The following PLCG2 variants were observed in gnomAD, a reference collection of about 807,000 sequenced individuals.
The protein encoded by PLCG2 is phospholipase C gamma 2, also known as 1-phosphatidylinositol 4,5-bisphosphate phosphodiesterase gamma-2.
A neutral mutation model predicts 175.6 loss-of-function variants in PLCG2; 69 were observed. That is an observed-to-expected ratio of 0.39 (90% confidence interval 0.32 to 0.48). The LOEUF (loss-of-function observed/expected upper bound fraction) is 0.48, where lower values mean the gene tolerates loss of function less well. Ranked by LOEUF, PLCG2 falls within the 20% of genes least tolerant of loss-of-function variation. PLCG2 has a pLI of 0.91. For missense variants in PLCG2, 1,798 were observed against 1,650.9 expected (o/e 1.09, Z -1.54); for synonymous variants, 827 against 624.0 (o/e 1.33, Z -4.85).
At chr16:81,831,684 T>C (rs1905264696) in intron 2 of PLCG2, among the ~76,000 whole-genome samples, 1 of 152,164 alleles carries the variant, frequency 6.6e-6, no homozygotes, top group East Asian at 1.9e-4. Context: ...CAGATCCTTG[T>C]GTTAGGGGGA....
At chr16:81,849,998 G>A (rs1384649976) in intron 2 of PLCG2, among the ~76,000 whole-genome samples, 2 of 152,208 alleles carry the variant, frequency 1.3e-5, no homozygotes, top group African/African-American at 2.4e-5. Flanking sequence ...CAGCCATGTT[G>A]ATTTCCTCTA....
Position 81,854,491 on chromosome 16 carries a change from G to A in PLCG2, c.241G>A (p.Asp81Asn), listed in dbSNP as rs2143474943. Residue 81 changes from aspartate (D) to asparagine (N), a missense_variant, in exon 3 of 33, where the codon GAT (aspartate) becomes AAT (asparagine). Coordinates refer to ENST00000564138, the MANE Select transcript of PLCG2 (RefSeq NM_002661.5). ...AATCCGCCCAGGGAAGAACTCCAAA[G>A]ATTTCGAGCGAGCAAAAGCAGTTCG... ...KEIRPGKNSKDFERAKAVRQK... is the reference protein window; with the variant it reads ...KEIRPGKNSKNFERAKAVRQK... 6.2e-7 allele frequency: 1 copy of A among 1,614,112 alleles called. No individual in the cohort carries two copies.
chr16:81,892,405 G>A lies in PLCG2; in HGVS notation c.986+815G>A, dbSNP rs1209239516. Reference sequence around the variant, plus strand: ...ATTTAGTCTGTCTTATTGGGTGAGGGGTGAAGTCCTTGGGTGATGGCCCCC... The same window carrying A: ...ATTTAGTCTGTCTTATTGGGTGAGGAGTGAAGTCCTTGGGTGATGGCCCCC... On this transcript the variant is annotated intron_variant, in intron 11 of 32. Transcript: ENST00000564138. Among the ~76,000 whole-genome samples, 3 of 152,300 alleles carry A rather than the reference G, an allele frequency of 2.0e-5. No homozygotes were observed. The East Asian group carries it at 5.8e-4, about 29-fold the overall frequency.
chr16:81,928,510 T>A (rs1380938804), intron 23 of PLCG2, 48 bp from the exon 24 acceptor site: 8 of 1,224,668 alleles, frequency 6.5e-6, no homozygotes. Flanking sequence ...GTTTTCTTTT[T>A]ATTATTCCCG....
At chr16:81,841,924 C>T (rs184087323) in intron 2 of PLCG2, among the ~76,000 whole-genome samples, 12 of 152,344 alleles carry the variant, frequency 7.9e-5, no homozygotes, top group African/African-American at 2.6e-4. Flanking sequence ...AAACCACCAG[C>T]AGCTGGGAAG....
intron 1 of PLCG2, among the ~76,000 whole-genome samples, chr16:81,781,240 A>T (rs1016310033): frequency 6.6e-6 from 1 of 152,216 alleles, no homozygotes; most frequent in African/African-American, 2.4e-5. Context: ...TATTATACTC[A>T]TACAGTTGCA....
intron 8 of PLCG2, among the ~76,000 whole-genome samples, chr16:81,882,160 T>C (rs550450496): frequency 1.3e-3 from 191 of 152,306 alleles, no homozygotes; most frequent in African/African-American, 4.3e-3. Context: ...CAGGGAAACA[T>C]ACCCATTACC....
chr16:81,817,925 A>G (rs1904623310), intron 2 of PLCG2, among the ~76,000 whole-genome samples: 1 of 152,242 alleles, frequency 6.6e-6, no homozygotes, highest in African/African-American at 2.4e-5. Context: ...AAGGGGGTTA[A>G]GTGAACACTT....
intron 19 of PLCG2, 148 bp downstream of exon 19, chr16:81,912,864 C>A (rs1293252789): frequency 1.9e-6 from 2 of 1,027,360 alleles, no homozygotes; most frequent in South Asian, 1.8e-5. Flanking sequence ...ACAGCAAAAG[C>A]CGCTGCGAGA....
chr16:81,934,606 A>AG (rs1597142410), intron 26 of PLCG2, 75 bp downstream of exon 26: 4 of 900,186 alleles, frequency 4.4e-6, no homozygotes, highest in Non-Finnish European at 7.3e-6. Context: ...ATATTTTCAG[A>AG]GGGGGCAGAG....
intron 2 of PLCG2, among the ~76,000 whole-genome samples, chr16:81,759,246 C>G (rs1157482639): frequency 2.0e-5 from 3 of 152,092 alleles, no homozygotes; most frequent in Non-Finnish European, 2.9e-5. Context: ...TCTGTAGGCT[C>G]CAGTTCCTTC....
In PLCG2 at chr16:81,881,336, C is replaced by T. The variant is rs1345651776; in HGVS notation, c.692+383C>T. ...AGGTTTAACTGAATTAAAATGAGTT[C>T]AGGTGTATAAACTGCTTCACATGAT... On this transcript the variant is annotated intron_variant, in intron 8 of 32. Transcript: ENST00000564138. 2.0e-5 allele frequency among the ~76,000 whole-genome samples: 3 copies of T among 151,966 alleles called. No individual in the cohort carries two copies. In the East Asian group the frequency reaches 5.8e-4, roughly 29 times the overall value.
At chr16:81,802,646 A>G (rs1911784794) in intron 2 of PLCG2, among the ~76,000 whole-genome samples, 1 of 151,726 alleles carries the variant, frequency 6.6e-6, no homozygotes, top group South Asian at 2.1e-4. Flanking sequence ...ATCTCAGCTC[A>G]CTACAACCTC....
intron 25 of PLCG2, among the ~76,000 whole-genome samples, 170 bp from the exon 26 acceptor site, chr16:81,934,259 G>C (rs1265274022): frequency 6.6e-6 from 1 of 152,068 alleles, no homozygotes; most frequent in Non-Finnish European, 1.5e-5. Flanking sequence ...CACAGTGAGA[G>C]GAAGAAACGA....
At chr16:81,780,838 C>G (rs1180010990) in intron 1 of PLCG2, among the ~76,000 whole-genome samples, 1 of 152,174 alleles carries the variant, frequency 6.6e-6, no homozygotes, top group South Asian at 2.1e-4. Flanking sequence ...ACCAGCCTCA[C>G]CAACATGGTG....
At position 81,812,555 on chromosome 16, in the gene PLCG2, T is replaced by A. The variant is rs187439412; in HGVS notation, c.193+26373T>A. Reference sequence around the variant, plus strand: ...GGGTTGTTTTTTCTTGTAAATTTGTTTAAGTTCTTTGTAGATTCTGGATAT... The same window carrying A: ...GGGTTGTTTTTTCTTGTAAATTTGTATAAGTTCTTTGTAGATTCTGGATAT... On this transcript the variant is annotated intron_variant, in intron 2 of 32. Transcript: ENST00000564138. 4.0e-3 allele frequency among the ~76,000 whole-genome samples: 604 copies of A among 152,344 alleles called. 3 individuals carry two copies. The highest frequency in any genetic ancestry group is 5.7e-3 in the Non-Finnish European group (390 of 68,042).
chr16:81,946,124 G>C lies in PLCG2; in HGVS notation c.3482-51G>C, dbSNP rs761425476. The stretch of plus-strand genomic sequence containing the variant: ...GAGGTAGCCTCCAAAAAAAATCTAA[G>C]GTCTGACATTAATTACCTGCCTTTG... On this transcript the variant is annotated intron_variant, in intron 30 of 32. Coordinates refer to ENST00000564138, the MANE Select transcript of PLCG2 (RefSeq NM_002661.5). 16 of 1,425,498 alleles carry C rather than the reference G, an allele frequency of 1.1e-5. No individual in the cohort carries two copies. In the South Asian group the frequency reaches 1.6e-4, roughly 14 times the overall value. 88.3% of individuals were successfully genotyped at this position (1,425,498 alleles called of 1,614,324 possible).
chr16:81,924,315 C>G (rs1910173386), intron 22 of PLCG2, among the ~76,000 whole-genome samples: 1 of 152,236 alleles, frequency 6.6e-6, no homozygotes, highest in Non-Finnish European at 1.5e-5. Flanking sequence ...GCATTTCTGC[C>G]TCCCACAAGA....
chr16:81,924,888 G>A (rs1353228695), intron 22 of PLCG2, among the ~76,000 whole-genome samples: 1 of 152,254 alleles, frequency 6.6e-6, no homozygotes, highest in Non-Finnish European at 1.5e-5. Context: ...TCCCAGTTCA[G>A]AGGCTCGGCT....
Sources: allele counts gnomAD v4.1 joint callset (sites outside exome capture counted in the v4.1 genomes callset), GRCh38; gene constraint gnomAD v4.1.1; transcripts MANE v1.5; gene names NCBI Gene and HGNC (gene_info 2026-07-23, HGNC 2026-07-21).